MLLT10: variants seen among roughly 807,000 people sequenced by gnomAD.
MLLT10 encodes the protein protein AF-10.
MLLT10 carries 30 observed loss-of-function variants against 129.1 expected under a neutral mutation model. The ratio of observed to expected loss-of-function variants is 0.23; its 90% CI spans 0.17 to 0.32. The LOEUF is 0.32. Ranked by LOEUF, MLLT10 falls within the 10% of genes least tolerant of loss-of-function variation. MLLT10 has a pLI of 1.00. For missense variants in MLLT10, 1,119 were observed against 1,268.3 expected (o/e 0.88, Z 1.79); for synonymous variants, 490 against 446.4 (o/e 1.10, Z -1.23).
intron 13 of MLLT10, among the ~76,000 whole-genome samples, chr10:21,712,094 C>T (rs149703837): frequency 1.1e-3 from 171 of 152,202 alleles, no homozygotes; most frequent in African/African-American, 3.9e-3. Flanking sequence ...AAAAAGATCC[C>T]GACGCCTTAA....
At chr10:21,672,441 G>T (rs1278256717) in intron 10 of MLLT10, among the ~76,000 whole-genome samples, 1 of 152,012 alleles carries the variant, frequency 6.6e-6, no homozygotes, top group Non-Finnish European at 1.5e-5. Context: ...GAGTAGCTGG[G>T]ATTAGAGGCA....
rs533557050 is a variant in MLLT10, at chr10:21,602,767, C to T, written c.405+7327C>T. Among the ~76,000 whole-genome samples, 28 of 150,282 alleles carry T rather than the reference C, an allele frequency of 1.9e-4. No homozygotes were observed. In the South Asian group the frequency reaches 5.5e-3, roughly 29 times the overall value. Reference sequence around the variant, plus strand: ...TTTTTGAGACAGTGTCTTGCTCTGTCGCCCAGGCTGGAGTGCAGTGGCGCA... The same window carrying T: ...TTTTTGAGACAGTGTCTTGCTCTGTTGCCCAGGCTGGAGTGCAGTGGCGCA... On this transcript the variant is annotated intron_variant, in intron 5 of 22. Coordinates refer to ENST00000307729, the MANE Select transcript of MLLT10 (RefSeq NM_001195626.3).
chr10:21,739,259 T>A (rs558167334), intron 21 of MLLT10, among the ~76,000 whole-genome samples: 2 of 152,320 alleles, frequency 1.3e-5, no homozygotes, highest in Admixed American at 6.5e-5. Flanking sequence ...TCCCGGGTCC[T>A]TGCTGCCACT....
intron 3 of MLLT10, among the ~76,000 whole-genome samples, chr10:21,553,592 G>A (rs2037431222): frequency 1.3e-5 from 2 of 151,632 alleles, no homozygotes; most frequent in African/African-American, 4.8e-5. Context: ...CTCCTAAAGA[G>A]TTGGGATACA....
At chr10:21,561,412 C>T (rs1364409515) in intron 3 of MLLT10, among the ~76,000 whole-genome samples, 6 of 152,114 alleles carry the variant, frequency 3.9e-5, no homozygotes, top group Non-Finnish European at 7.4e-5. Context: ...AGGCACATGC[C>T]ACCACACCCG....
At chr10:21,576,176 C>T (rs1236248609) in intron 3 of MLLT10, among the ~76,000 whole-genome samples, 11 of 151,716 alleles carry the variant, frequency 7.3e-5, no homozygotes, top group South Asian at 2.1e-4. Context: ...ATCAAGTGCC[C>T]GCCTTGGCAT....
intron 21 of MLLT10, among the ~76,000 whole-genome samples, chr10:21,737,697 G>C (rs1025604877): frequency 1.3e-5 from 2 of 152,154 alleles, no homozygotes; most frequent in African/African-American, 4.8e-5. Flanking sequence ...CGAGACCCAA[G>C]TGGGATTGTG....
chr10:21,561,807 A>G (rs909404002), intron 3 of MLLT10, among the ~76,000 whole-genome samples: 2 of 151,588 alleles, frequency 1.3e-5, no homozygotes, highest in African/African-American at 4.8e-5. Flanking sequence ...ATGCCAGTAC[A>G]ACAGTTTTTT....
rs2056318895 is a variant in MLLT10, at chr10:21,713,812, T to C, written c.1740T>C (p.Asn580=). 6.2e-7 allele frequency: 1 copy of C among 1,613,714 alleles called. No homozygotes were observed. Among genetic ancestry groups the C allele is most frequent in the African/African-American group, 1.3e-5 (1 of 74,914 alleles). The part of the protein sequence containing the change: ...NSNDVAVSFP[N]VVSGSGSSTP... ...ATGATGTAGCAGTATCGTTTCCAAA[T>C]GTAGTATCTGGCTCGGGATCTAGTA... Residue 580 remains asparagine, a synonymous_variant, in exon 14 of 23, where the codon AAT becomes AAC. Coordinates refer to ENST00000307729, the MANE Select transcript of MLLT10 (RefSeq NM_001195626.3).
intron 2 of MLLT10, among the ~76,000 whole-genome samples, chr10:21,535,529 C>G (rs971458955): frequency 6.6e-6 from 1 of 152,090 alleles, no homozygotes; most frequent in Non-Finnish European, 1.5e-5. Context: ...GGTGCCAAGT[C>G]ACTTTTGGGG....
chr10:21,584,463 A>G (rs1476469765), intron 3 of MLLT10, among the ~76,000 whole-genome samples: 1 of 151,940 alleles, frequency 6.6e-6, no homozygotes, highest in East Asian at 1.9e-4. Flanking sequence ...GCGCCCAGCC[A>G]ATAGGCTCTA....
In MLLT10 at chr10:21,534,319, C is replaced by CCG. The variant is rs1554775006; in HGVS notation, c.-201_-200insGC. On this transcript the variant is annotated 5_prime_UTR_variant, in exon 1 of 23. Coordinates refer to ENST00000307729, the MANE Select transcript of MLLT10 (RefSeq NM_001195626.3). ...GGCCCAGCGGGAGCCCCCCCTCCCC[C>CCG]CAGTGCGCCTGTGCGGAGGCCCTCT... 2.5e-6 allele frequency: 1 copy of CCG among 395,470 alleles called. No homozygotes were observed. The highest frequency in any genetic ancestry group is 2.1e-5 in the African/African-American group (1 of 48,352). The allele number at this position is 395,470 out of a possible 1,614,324, so 24.5% of individuals were successfully genotyped here. A position where few individuals can be genotyped will look rare whatever the true frequency, so the allele number is the denominator to read the frequency against.
intron 14 of MLLT10, among the ~76,000 whole-genome samples, chr10:21,722,033 A>G (rs2057169197): frequency 6.6e-6 from 1 of 151,836 alleles, no homozygotes; most frequent in African/African-American, 2.4e-5. Flanking sequence ...ATATGTATAT[A>G]TAATCCTATA....
intron 5 of MLLT10, 50 bp downstream of exon 5, chr10:21,595,490 A>C (rs377300321): frequency 2.8e-5 from 40 of 1,420,020 alleles, no homozygotes; most frequent in Middle Eastern, 1.8e-4. Context: ...ACTGGGAAGT[A>C]GAAAGGAAGT....
chr10:21,740,648 G>A (rs956821830), intron 22 of MLLT10, among the ~76,000 whole-genome samples: 1 of 152,000 alleles, frequency 6.6e-6, no homozygotes, highest in African/African-American at 2.4e-5. Flanking sequence ...TACATTTTAG[G>A]GCACACAATC....
intron 15 of MLLT10, 129 bp from the exon 16 acceptor site, chr10:21,727,727 T>C: frequency 1.5e-6 from 1 of 665,444 alleles, no homozygotes; most frequent in Non-Finnish European, 2.6e-6. Flanking sequence ...CTAGATCTTC[T>C]ATTTTCGTGG....
intron 3 of MLLT10, among the ~76,000 whole-genome samples, chr10:21,548,559 C>T (rs759095201): frequency 4.6e-5 from 7 of 152,034 alleles, no homozygotes; most frequent in African/African-American, 7.2e-5. Context: ...TTAGCAGAGA[C>T]GGGGTTTTTC....
Position 21,730,762 on chromosome 10 carries a change from C to T in MLLT10, c.2064-138C>T, listed in dbSNP as rs1365426399. ...AGGGTAGATTATGGTTTTCTAAATC[C>T]AGGAACCTGATACTTCTGGCATAGG... On this transcript the variant is annotated intron_variant, in intron 16 of 22. Coordinates refer to ENST00000307729, the MANE Select transcript of MLLT10 (RefSeq NM_001195626.3). The T allele has an allele frequency of 1.6e-5, 12 of 762,260 alleles. No homozygotes were observed. In the African/African-American group the frequency reaches 2.1e-4, roughly 14 times the overall value. 47.2% of individuals were successfully genotyped at this position (762,260 alleles called of 1,614,324 possible).
intron 13 of MLLT10, among the ~76,000 whole-genome samples, chr10:21,697,036 T>C (rs2054431340): frequency 6.8e-6 from 1 of 146,992 alleles, no homozygotes; most frequent in Non-Finnish European, 1.5e-5. Flanking sequence ...TCTTTACTTA[T>C]TATACCATCA....
Sources: allele counts gnomAD v4.1 joint callset (sites outside exome capture counted in the v4.1 genomes callset), GRCh38; gene constraint gnomAD v4.1.1; transcripts MANE v1.5; gene names NCBI Gene and HGNC (gene_info 2026-07-23, HGNC 2026-07-21).